FRMPD4: variants seen among roughly 807,000 people sequenced by gnomAD.
FRMPD4 encodes the protein FERM and PDZ domain-containing protein 4.
A neutral mutation model predicts 94.1 loss-of-function variants in FRMPD4; 22 were observed. That is an observed-to-expected ratio of 0.23 (90% CI 0.17 to 0.33). The LOEUF (loss-of-function observed/expected upper bound fraction) is 0.33. Among genes scored for constraint, FRMPD4 ranks in the 10% least tolerant of loss-of-function variants. FRMPD4 has a pLI of 1.00. For missense variants in FRMPD4, 1,111 were observed against 1,339.9 expected (o/e 0.83, Z 2.67); for synonymous variants, 631 against 548.6 (o/e 1.15, Z -2.10).
intron 4 of FRMPD4, among the ~76,000 whole-genome samples, chrX:12,616,855 G>A (rs192181293): frequency 6.3e-5 from 7 of 111,698 alleles, no homozygotes; most frequent in Admixed American, 9.5e-5. Context: ...CCCTAGGTGC[G>A]CACCTCTGTG....
intron 2 of FRMPD4, among the ~76,000 whole-genome samples, chrX:11,867,318 A>T (rs1474906181): frequency 1.8e-5 from 2 of 112,079 alleles, no homozygotes; most frequent in Non-Finnish European, 3.8e-5. Flanking sequence ...TTGTACTTCC[A>T]TTATTAACTC....
chrX:12,271,104 A>G (rs2054348992), intron 1 of FRMPD4, among the ~76,000 whole-genome samples: 1 of 112,084 alleles, frequency 8.9e-6, no homozygotes, highest in Non-Finnish European at 1.9e-5. Flanking sequence ...TCCCATATAC[A>G]CTAGGTAATT....
chrX:12,138,364 C>T (rs913474971), upstream of FRMPD4: 9 of 115,156 alleles, frequency 7.8e-5, no homozygotes, highest in African/African-American at 2.9e-4. Context: ...CCAGATCCTT[C>T]AGATCTAGAG....
chrX:12,699,119 G>A (rs759675232), intron 9 of FRMPD4, among the ~76,000 whole-genome samples: 9 of 111,887 alleles, frequency 8.0e-5, no homozygotes, highest in Non-Finnish European at 1.7e-4. Flanking sequence ...TCCTCACTGT[G>A]CCAATGGTTT....
intron 3 of FRMPD4, among the ~76,000 whole-genome samples, chrX:11,883,778 G>A (rs917396096): frequency 1.8e-5 from 2 of 112,099 alleles, no homozygotes; most frequent in African/African-American, 6.5e-5. Context: ...TTTGAAACTG[G>A]TTTCTGATGC....
At chrX:12,134,048 C>T (rs2055577057), upstream of FRMPD4, among the ~76,000 whole-genome samples, 2 of 112,030 alleles carry the variant, frequency 1.8e-5, no homozygotes, top group Admixed American at 9.5e-5. Flanking sequence ...ATCATCGTTC[C>T]TGCCTCAAGG....
At chrX:12,363,352 A>G (rs1033413931) in intron 1 of FRMPD4, among the ~76,000 whole-genome samples, 2 of 112,812 alleles carry the variant, frequency 1.8e-5, no homozygotes, top group African/African-American at 6.4e-5. Context: ...GTCAAGTATT[A>G]GCTAAATGTT....
chrX:11,852,442 C>CAAAAAAAAAAAAAAAAA (rs374590200), intron 1 of FRMPD4, among the ~76,000 whole-genome samples: 1 of 52,632 alleles, frequency 1.9e-5, no homozygotes, highest in African/African-American at 6.7e-5. Context: ...ACCCTGTCTC[C>CAAAAAAAAAAAAAAAAA]AAAAAAAAAA....
At chrX:11,832,103 A>C (rs1400047106) in intron 1 of FRMPD4, among the ~76,000 whole-genome samples, 1 of 111,472 alleles carries the variant, frequency 9.0e-6, no homozygotes, top group African/African-American at 3.3e-5. Context: ...CCAGGAACTC[A>C]AGGTCACTCT....
intron 3 of FRMPD4, among the ~76,000 whole-genome samples, chrX:11,967,921 T>C (rs1399647274): frequency 9.1e-6 from 1 of 110,310 alleles, no homozygotes; most frequent in Non-Finnish European, 1.9e-5. Context: ...TCTAGAATTT[T>C]GTGTTGCCTT....
chrX:12,066,946 T>G (rs1237953023), intron 3 of FRMPD4, among the ~76,000 whole-genome samples: 1 of 107,412 alleles, frequency 9.3e-6, no homozygotes, highest in Non-Finnish European at 1.9e-5. Context: ...CTCGCCTCAC[T>G]GAAACCTCCG....
At chrX:12,451,733 C>CGTGTGTGTGTGTGTGTGTGTGT (rs72300557) in intron 1 of FRMPD4, among the ~76,000 whole-genome samples, 1 of 98,813 alleles carries the variant, frequency 1.0e-5, no homozygotes, top group African/African-American at 3.7e-5. Context: ...TGTGTATGCC[C>CGTGTGTGTGTGTGTGTGTGTGT]GTGTGTGTGT....
chrX:12,325,542 T>C (rs1017452906), intron 1 of FRMPD4, among the ~76,000 whole-genome samples: 16 of 112,788 alleles, frequency 1.4e-4, no homozygotes, highest in African/African-American at 4.5e-4. Flanking sequence ...CTCTGCCGTA[T>C]AGCATGAAAG....
chrX:12,167,016 T>C (rs1432868902), intron 1 of FRMPD4, among the ~76,000 whole-genome samples: 1 of 111,616 alleles, frequency 9.0e-6, no homozygotes, highest in Non-Finnish European at 1.9e-5. Context: ...CCTGGATTCA[T>C]TGGTTTTTTG....
At chrX:11,994,246 G>T (rs554376146) in intron 3 of FRMPD4, among the ~76,000 whole-genome samples, 2 of 111,142 alleles carry the variant, frequency 1.8e-5, no homozygotes, top group African/African-American at 6.5e-5. Context: ...GGTCCATAGT[G>T]CCAAAGTTCA....
At chrX:12,019,984 A>C (rs1233157835) in intron 3 of FRMPD4, among the ~76,000 whole-genome samples, 1 of 112,135 alleles carries the variant, frequency 8.9e-6, no homozygotes, top group Non-Finnish European at 1.9e-5. Context: ...GTATATAGAA[A>C]CTGAGGTTCA....
intron 1 of FRMPD4, among the ~76,000 whole-genome samples, chrX:12,366,468 G>C (rs1223344990): frequency 2.7e-5 from 3 of 111,443 alleles, no homozygotes. Context: ...TGGACTGGAG[G>C]CACAGAGACT....
intron 2 of FRMPD4, among the ~76,000 whole-genome samples, chrX:12,540,000 G>T (rs2148306748): frequency 8.9e-6 from 1 of 111,937 alleles, no homozygotes; most frequent in South Asian, 3.8e-4. Context: ...AGCTTCATAA[G>T]TGAAGGAGAA....
rs771056806 is a variant in FRMPD4 at position 12,473,180 on chromosome X, T to C, written c.42-25500T>C. On this transcript the variant is annotated intron_variant, in intron 1 of 16. Transcript: ENST00000675598. ...TATTCAACATTCTTAAAGAAAAGAA[T>C]TTTCAACCCAGAATTTCATAACCAG... 5.5e-3 allele frequency among the ~76,000 whole-genome samples: 607 copies of C among 110,114 alleles called. 41 individuals carry two copies. Among genetic ancestry groups the C allele is most frequent in the African/African-American group, 0.02 (588 of 28,988 alleles).
Sources: gnomAD v4.1 joint callset for allele counts (sites outside exome capture counted in the v4.1 genomes callset) on GRCh38, gnomAD v4.1.1 for gene constraint, MANE v1.5 for transcripts, NCBI Gene and HGNC (gene_info 2026-07-23, HGNC 2026-07-21) for gene names.